TBC1D5: variants seen among roughly 807,000 people sequenced by gnomAD.
TBC1D5 encodes TBC1 domain family, member 5.
Under a neutral mutation model 100.3 loss-of-function variants are expected in TBC1D5, and 75 were observed. That is an observed-to-expected ratio of 0.75 (90% CI 0.62 to 0.91). The LOEUF (loss-of-function observed/expected upper bound fraction) is 0.91. Among genes scored for constraint, TBC1D5 ranks in the 40% least tolerant of loss-of-function variants. The pLI is 0.00. For missense variants in TBC1D5, 910 were observed against 942.4 expected (o/e 0.97, Z 0.45); for synonymous variants, 323 against 325.6 (o/e 0.99, Z 0.09).
chr3:17,233,985 T>G (rs1364238232), intron 17 of TBC1D5, among the ~76,000 whole-genome samples: 1 of 152,124 alleles, frequency 6.6e-6, no homozygotes, highest in Non-Finnish European at 1.5e-5. Flanking sequence ...CAAACAAGTT[T>G]CAACTAGAGT....
At chr3:17,405,905 T>C (rs775451677) in intron 5 of TBC1D5, among the ~76,000 whole-genome samples, 2 of 152,100 alleles carry the variant, frequency 1.3e-5, no homozygotes, top group Non-Finnish European at 2.9e-5. Flanking sequence ...TAGATTATTA[T>C]TACTAGTTTT....
intron 1 of TBC1D5, among the ~76,000 whole-genome samples, chr3:17,664,322 A>C (rs1023882532): frequency 2.0e-5 from 3 of 152,140 alleles, no homozygotes; most frequent in Non-Finnish European, 4.4e-5. Context: ...CACCCACCTC[A>C]GCCTCCCAAA....
At chr3:17,480,905 T>C (rs567039629) in intron 3 of TBC1D5, among the ~76,000 whole-genome samples, 1 of 152,310 alleles carries the variant, frequency 6.6e-6, no homozygotes, top group South Asian at 2.1e-4. Context: ...GACAAGAACT[T>C]GGGACCTGCC....
intron 13 of TBC1D5, among the ~76,000 whole-genome samples, chr3:17,365,962 G>A (rs1330189808): frequency 6.6e-6 from 1 of 152,106 alleles, no homozygotes; most frequent in Admixed American, 6.6e-5. Flanking sequence ...GATAATAACA[G>A]TACCTATTTC....
At chr3:17,457,001 G>A (rs1463137171) in intron 3 of TBC1D5, among the ~76,000 whole-genome samples, 1 of 151,900 alleles carries the variant, frequency 6.6e-6, no homozygotes, top group Non-Finnish European at 1.5e-5. Context: ...TGAGAATGTA[G>A]AGTGACTTTC....
At chr3:17,558,082 T>C (rs2096533860) in intron 2 of TBC1D5, among the ~76,000 whole-genome samples, 1 of 152,188 alleles carries the variant, frequency 6.6e-6, no homozygotes, top group Admixed American at 6.5e-5. Flanking sequence ...TCAAGAACCC[T>C]TGTTCTACTA....
At position 17,618,450 on chromosome 3, in the gene TBC1D5, C is replaced by G. The variant is rs573257187; in HGVS notation, c.-36+5399G>C. ...TCTCTTCAGAGCTGTTAGACAGGGA[C>G]GTTTAAGTCTACAGAAGTTTCTGCT... On this transcript the variant is annotated intron_variant, in intron 2 of 21. Coordinates refer to ENST00000253692, the Ensembl canonical transcript of TBC1D5. Among the ~76,000 whole-genome samples the G allele has an allele frequency of 3.3e-5, 5 of 152,328 alleles. No homozygotes were observed. The East Asian group carries it at 9.7e-4, about 29-fold the overall frequency.
Position 17,214,260 on chromosome 3 carries a change from T to A in TBC1D5, c.1699A>T (p.Ser567Cys), listed in dbSNP as rs763176384. 1.9e-6 allele frequency: 3 copies of A among 1,613,588 alleles called. No individual in the cohort carries two copies. In the South Asian group the frequency reaches 3.3e-5, roughly 18 times the overall value. The change falls in exon 18 of 22, where the codon AGC becomes TGC. Residue 567 changes from serine to cysteine, a missense_variant. Ser to Cys is a moderately radical substitution (Grantham distance 112). Transcript: ENST00000253692. ...TGTGAGCGAGAACGTGAGATGTTGCTAAAAAAGGAATCTTTTTTAGTAGCA... is the reference window on the plus strand; with the variant it reads ...TGTGAGCGAGAACGTGAGATGTTGCAAAAAAAGGAATCTTTTTTAGTAGCA...
intron 1 of TBC1D5, among the ~76,000 whole-genome samples, chr3:17,711,929 A>T (rs1024949322): frequency 6.6e-6 from 1 of 152,240 alleles, no homozygotes; most frequent in Admixed American, 6.5e-5. Flanking sequence ...GATAATGCCA[A>T]ACTGTCTTTA....
At chr3:17,735,155 A>G (rs979677471) in intron 1 of TBC1D5, among the ~76,000 whole-genome samples, 1 of 152,192 alleles carries the variant, frequency 6.6e-6, no homozygotes, top group South Asian at 2.1e-4. Context: ...AATTCCACCC[A>G]TAACAATTTC....
At chr3:17,401,301 AATACAC>A (rs1168404124) in intron 8 of TBC1D5, among the ~76,000 whole-genome samples, 1 of 119,114 alleles carries the variant, frequency 8.4e-6, no homozygotes, top group Non-Finnish European at 1.7e-5. Context: ...GTATGTGTAT[AATACAC>A]ATATATATGT....
At chr3:17,464,867 T>TA (rs149835708) in intron 3 of TBC1D5, among the ~76,000 whole-genome samples, 13,845 of 150,232 alleles carry the variant, frequency 0.092, 1,403 homozygotes, top group African/African-American at 0.26. Context: ...TTTTTCAAGA[T>TA]AAAAAAAAAC....
At chr3:17,430,133 G>C (rs902176116) in intron 3 of TBC1D5, among the ~76,000 whole-genome samples, 6 of 151,540 alleles carry the variant, frequency 4.0e-5, no homozygotes, top group Non-Finnish European at 8.9e-5. Flanking sequence ...AAACTAAAAA[G>C]ATGTAAGGAA....
At chr3:17,631,486 A>ACC (rs2063506709) in intron 1 of TBC1D5, among the ~76,000 whole-genome samples, 1 of 152,270 alleles carries the variant, frequency 6.6e-6, no homozygotes, top group Non-Finnish European at 1.5e-5. Flanking sequence ...AATAACAGAT[A>ACC]TTCAATGTAG....
chr3:17,598,161 T>C (rs1397736255), intron 2 of TBC1D5, among the ~76,000 whole-genome samples: 1 of 152,178 alleles, frequency 6.6e-6, no homozygotes, highest in African/African-American at 2.4e-5. Flanking sequence ...ACGGTTTCCC[T>C]AAAGAAGCTG....
At chr3:17,595,239 T>C (rs548355222) in intron 2 of TBC1D5, among the ~76,000 whole-genome samples, 1 of 152,274 alleles carries the variant, frequency 6.6e-6, no homozygotes, top group South Asian at 2.1e-4. Context: ...CCCCTTTATA[T>C]ATATATTTAT....
At chr3:17,613,095 C>T (rs1577020191) in intron 2 of TBC1D5, among the ~76,000 whole-genome samples, 1 of 152,130 alleles carries the variant, frequency 6.6e-6, no homozygotes, top group Non-Finnish European at 1.5e-5. Flanking sequence ...TCCAAGTGTT[C>T]TCATTGTTCA....
chr3:17,361,129 A>G (rs540011912), intron 13 of TBC1D5, among the ~76,000 whole-genome samples: 1 of 152,174 alleles, frequency 6.6e-6, no homozygotes, highest in East Asian at 1.9e-4. Context: ...AAGTTTCACA[A>G]TCAAGTCTCT....
At chr3:17,361,289 TC>T (rs1034504311) in intron 13 of TBC1D5, among the ~76,000 whole-genome samples, 2 of 152,006 alleles carry the variant, frequency 1.3e-5, no homozygotes, top group Admixed American at 6.6e-5. Flanking sequence ...TCATTATTAA[TC>T]CCACATGTCT....
Sources: gnomAD v4.1 joint callset for allele counts (sites outside exome capture counted in the v4.1 genomes callset) on GRCh38, gnomAD v4.1.1 for gene constraint, MANE v1.5 for transcripts, NCBI Gene and HGNC (gene_info 2026-07-23, HGNC 2026-07-21) for gene names.